The following TP63 variants were observed in gnomAD, a reference collection of about 807,000 sequenced individuals.
The protein encoded by TP63 is tumor protein p63, also known as tumor protein 63.
In TP63, 17 loss-of-function variants were observed where a neutral mutation model predicts 82.8. That is an observed-to-expected ratio of 0.21 (90% confidence interval 0.14 to 0.31). The LOEUF is 0.31. Among genes scored for constraint, TP63 ranks in the 10% least tolerant of loss-of-function variants. The probability of loss-of-function intolerance (pLI) is 1.00; values close to 1 mark genes in which losing one functional copy is unlikely to be tolerated. For missense variants in TP63, 648 were observed against 895.3 expected (o/e 0.72, Z 3.52); for synonymous variants, 330 against 321.7 (o/e 1.03, Z -0.28).
intron 3 of TP63, among the ~76,000 whole-genome samples, chr3:189,779,613 C>T (rs1219421991): frequency 1.3e-5 from 2 of 152,180 alleles, no homozygotes; most frequent in Non-Finnish European, 2.9e-5. Context: ...GCGTGCAAGA[C>T]AGTAATCTCT....
chr3:189,613,336 G>A, the TP63 span, among the ~76,000 whole-genome samples: 1 of 151,632 alleles, frequency 6.6e-6, no homozygotes, highest in Non-Finnish European at 1.5e-5. Flanking sequence ...GGCTTCAGAG[G>A]ATGGAAGCCC....
intron 1 of TP63, 43 bp from the exon 2 acceptor site, chr3:189,737,697 A>G: frequency 6.2e-7 from 1 of 1,603,472 alleles, no homozygotes; most frequent in Non-Finnish European, 8.5e-7. Flanking sequence ...CAGTGTCATA[A>G]ATACAGAAAG....
rs761255929 is a variant in TP63 at position 189,774,083 on chromosome 3, C to T, written c.325-34189C>T. On this transcript the variant is annotated intron_variant, in intron 3 of 13. Coordinates refer to ENST00000264731, the MANE Select transcript of TP63 (RefSeq NM_003722.5). ...GACTACAGGTATCCACCACCACGCC[C>T]AGCTAATTTTTTGTATTTTTAGTAG... Among the ~76,000 whole-genome samples the T allele has an allele frequency of 1.2e-4, 18 of 152,128 alleles. No homozygotes were observed. In the East Asian group the frequency reaches 1.7e-3, roughly 15 times the overall value.
At chr3:189,852,862 C>T (rs1456274960) in intron 4 of TP63, among the ~76,000 whole-genome samples, 1 of 152,132 alleles carries the variant, frequency 6.6e-6, no homozygotes, top group African/African-American at 2.4e-5. Flanking sequence ...CTTCCCCCAT[C>T]CCATCTATAT....
Sources: allele counts gnomAD v4.1 joint callset (sites outside exome capture counted in the v4.1 genomes callset), GRCh38; gene constraint gnomAD v4.1.1; transcripts MANE v1.5; gene names NCBI Gene and HGNC (gene_info 2026-07-23, HGNC 2026-07-21).